The following DPP10 variants were observed in gnomAD, a reference collection of about 807,000 sequenced individuals.
The protein encoded by DPP10 is inactive dipeptidyl peptidase 10.
A neutral mutation model predicts 120.9 loss-of-function variants in DPP10; 33 were observed. That is an observed-to-expected ratio of 0.27 (90% CI 0.21 to 0.37). The LOEUF is 0.37. Ranked by LOEUF, DPP10 falls within the 10% of genes least tolerant of loss-of-function variation. The probability of loss-of-function intolerance (pLI) is 1.00; values close to 1 mark genes in which losing one functional copy is unlikely to be tolerated. For synonymous variants in DPP10, 337 were observed against 326.1 expected, an observed-to-expected ratio of 1.03 and a Z score of -0.36; for missense variants, 816 against 942.8, an observed-to-expected ratio of 0.87 and a Z score of 1.76.
intron 1 of DPP10, among the ~76,000 whole-genome samples, chr2:115,255,339 G>A (rs886875772): frequency 1.3e-5 from 2 of 152,140 alleles, no homozygotes; most frequent in African/African-American, 2.4e-5. Context: ...ACCCTATGCT[G>A]CACACAGTAG....
At chr2:114,967,396 G>T (rs568749849) in intron 1 of DPP10, among the ~76,000 whole-genome samples, 18 of 152,266 alleles carry the variant, frequency 1.2e-4, no homozygotes, top group Non-Finnish European at 2.1e-4. Flanking sequence ...TGAATGTGGT[G>T]CAGAGAGCCC....
chr2:115,357,586 C>T (rs544834724), intron 3 of DPP10, among the ~76,000 whole-genome samples: 9 of 152,278 alleles, frequency 5.9e-5, no homozygotes, highest in South Asian at 2.1e-4. Flanking sequence ...CAGTACAAGC[C>T]GTCAGTGGAT....
At position 115,155,333 on chromosome 2, in the gene DPP10, A is replaced by G. The variant is rs17044141; in HGVS notation, c.61-153906A>G. Among the ~76,000 whole-genome samples, 1,559 of 152,312 alleles carry G rather than the reference A, an allele frequency of 0.01. 92 individuals carry two copies. In the East Asian group the frequency reaches 0.16, roughly 16 times the overall value. ...GATGGGAAGGTTGTGAAAGGTGTTG[A>G]GTCCTAATAGATCAGTTATATTCGG... On this transcript the variant is annotated intron_variant, in intron 1 of 25. Coordinates refer to ENST00000410059, the MANE Select transcript of DPP10 (RefSeq NM_020868.6).
intron 1 of DPP10, among the ~76,000 whole-genome samples, chr2:114,885,264 G>A (rs1436334382): frequency 6.6e-6 from 1 of 152,098 alleles, no homozygotes; most frequent in Non-Finnish European, 1.5e-5. Context: ...AGAATGGGGG[G>A]GACAGAGAGT....
chr2:115,163,992 T>G (rs913365852), intron 1 of DPP10, among the ~76,000 whole-genome samples: 1 of 152,206 alleles, frequency 6.6e-6, no homozygotes, highest in Non-Finnish European at 1.5e-5. Flanking sequence ...CTTGTTAGTG[T>G]GCATTTTTTA....
chr2:115,381,280 C>A (rs147685197), intron 3 of DPP10, among the ~76,000 whole-genome samples: 1 of 152,064 alleles, frequency 6.6e-6, no homozygotes, highest in Non-Finnish European at 1.5e-5. Flanking sequence ...CTAAGCTTCC[C>A]TTCTCACTTC....
intron 1 of DPP10, among the ~76,000 whole-genome samples, chr2:115,002,442 A>G (rs900168674): frequency 6.6e-6 from 1 of 152,212 alleles, no homozygotes; most frequent in Non-Finnish European, 1.5e-5. Context: ...AGGAAATACT[A>G]TTCTGGACAT....
chr2:114,595,057 A>G (rs896112394), intron 1 of DPP10, among the ~76,000 whole-genome samples: 1 of 151,964 alleles, frequency 6.6e-6, no homozygotes, highest in African/African-American at 2.4e-5. Context: ...TTTGTAATTA[A>G]TACATCTGGT....
At chr2:115,309,394 T>C (rs2061491295) in intron 2 of DPP10, 41 bp downstream of exon 2, 13 of 1,583,740 alleles carry the variant, frequency 8.2e-6, no homozygotes, top group Non-Finnish European at 1.0e-5. Flanking sequence ...GATGGTATTG[T>C]GGATGATAAT....
At chr2:114,665,049 G>T (rs992111132) in intron 1 of DPP10, among the ~76,000 whole-genome samples, 1 of 152,076 alleles carries the variant, frequency 6.6e-6, no homozygotes, top group Non-Finnish European at 1.5e-5. Context: ...TGGTATGGGG[G>T]TTGCTGAGGG....
chr2:115,552,356 C>T (rs536575478), intron 5 of DPP10, among the ~76,000 whole-genome samples: 3 of 152,188 alleles, frequency 2.0e-5, no homozygotes, highest in East Asian at 1.9e-4. Flanking sequence ...GTCACACAAG[C>T]GTCTATGCTC....
intron 3 of DPP10, among the ~76,000 whole-genome samples, chr2:115,457,940 G>GTA (rs1402956424): frequency 6.6e-6 from 1 of 152,004 alleles, no homozygotes; most frequent in Non-Finnish European, 1.5e-5. Context: ...GGATAAAAAT[G>GTA]TATATATATA....
chr2:114,883,560 C>T (rs939514407), intron 1 of DPP10, among the ~76,000 whole-genome samples: 2 of 152,100 alleles, frequency 1.3e-5, no homozygotes, highest in Admixed American at 1.3e-4. Flanking sequence ...GCTCATTTTT[C>T]CTGGCCTCTT....
intron 1 of DPP10, chr2:115,162,117 C>T (rs1370875367): frequency 6.6e-6 from 10 of 1,515,812 alleles, no homozygotes; most frequent in African/African-American, 1.4e-5. Context: ...GGCTGGGCTC[C>T]CGCGCCTCCC....
At chr2:115,800,262 G>A (rs551423663) in intron 19 of DPP10, among the ~76,000 whole-genome samples, 67 of 151,650 alleles carry the variant, frequency 4.4e-4, no homozygotes, top group Non-Finnish European at 6.0e-4. Flanking sequence ...CATGTCCTTC[G>A]CCCACTTTTT....
chr2:114,522,610 A>G (rs1160461872), intron 1 of DPP10, among the ~76,000 whole-genome samples: 3 of 152,164 alleles, frequency 2.0e-5, no homozygotes, highest in Non-Finnish European at 4.4e-5. Context: ...TGGGGGAAGC[A>G]GTTAAGACTT....
intron 1 of DPP10, among the ~76,000 whole-genome samples, chr2:114,873,735 G>T (rs1215787944): frequency 6.6e-6 from 1 of 152,010 alleles, no homozygotes; most frequent in South Asian, 2.1e-4. Flanking sequence ...TAACAACCAC[G>T]TTAACGTACA....
intron 5 of DPP10, among the ~76,000 whole-genome samples, chr2:115,527,830 A>C (rs1009412152): frequency 6.6e-6 from 1 of 152,150 alleles, no homozygotes; most frequent in African/African-American, 2.4e-5. Flanking sequence ...CGAATCTATC[A>C]GAATGGTTAA....
intron 1 of DPP10, among the ~76,000 whole-genome samples, chr2:115,018,063 A>G (rs777898832): frequency 6.6e-6 from 1 of 152,112 alleles, no homozygotes; most frequent in South Asian, 2.1e-4. Context: ...ATGAACAGGC[A>G]CTTCTCAAAA....
Sources: gnomAD v4.1 joint callset for allele counts (sites outside exome capture counted in the v4.1 genomes callset) on GRCh38, gnomAD v4.1.1 for gene constraint, MANE v1.5 for transcripts, NCBI Gene and HGNC (gene_info 2026-07-23, HGNC 2026-07-21) for gene names.